ARL6IP6: variants seen among roughly 807,000 people sequenced by gnomAD.
The protein encoded by ARL6IP6 is ADP-ribosylation factor-like protein 6-interacting protein 6.
ARL6IP6 carries 22 observed loss-of-function variants against 21.5 expected under a neutral mutation model. That is an observed-to-expected ratio of 1.02 (90% CI 0.73 to 1.46). The LOEUF is 1.46. Among genes scored for constraint, ARL6IP6 ranks in the 40% most tolerant of loss-of-function variants. The pLI, the probability that ARL6IP6 is intolerant of heterozygous loss-of-function variation, is 0.00. For missense variants in ARL6IP6, 388 were observed against 299.8 expected (o/e 1.29, Z -2.17); for synonymous variants, 164 against 125.3 (o/e 1.31, Z -2.06).
intron 1 of ARL6IP6, chr2:152,719,833 G>T: frequency 9.6e-6 from 4 of 417,332 alleles, no homozygotes; most frequent in South Asian, 3.6e-5. Context: ...TGTTATTTTT[G>T]TACTTCATTA....
At chr2:152,732,576 C>T (rs1398761007) in intron 2 of ARL6IP6, 1 of 454,330 alleles carries the variant, frequency 2.2e-6, no homozygotes, top group Non-Finnish European at 4.5e-6. Context: ...CTGTAAGTTG[C>T]AAAGGTATGT....
chr2:152,744,027 A>G (rs189400389), intron 3 of ARL6IP6, among the ~76,000 whole-genome samples: 2 of 152,292 alleles, frequency 1.3e-5, no homozygotes, highest in South Asian at 2.1e-4. Flanking sequence ...ACAAGTGAAC[A>G]TGAGTCTTTT....
intron 2 of ARL6IP6, among the ~76,000 whole-genome samples, chr2:152,723,956 A>G (rs908662322): frequency 6.6e-6 from 1 of 151,254 alleles, no homozygotes; most frequent in South Asian, 2.1e-4. Flanking sequence ...ATTTGAACCT[A>G]TACTCTATTA....
intron 3 of ARL6IP6, among the ~76,000 whole-genome samples, chr2:152,751,044 A>AT (rs1236436398): frequency 6.6e-6 from 1 of 151,890 alleles, no homozygotes; most frequent in Non-Finnish European, 1.5e-5. Flanking sequence ...AAACCGTGGG[A>AT]TTTTTTTTCT....
intron 2 of ARL6IP6, among the ~76,000 whole-genome samples, chr2:152,721,115 T>C (rs1699770479): frequency 6.6e-6 from 1 of 152,166 alleles, no homozygotes; most frequent in Non-Finnish European, 1.5e-5. Context: ...ATTTTTTTAA[T>C]GGGTACTGGT....
rs780732662 is a variant in ARL6IP6, at chr2:152,761,904, A to G, written c.*2064A>G. ...CATTAAGCCAAACATGACTATATAT[A>G]CCTACAAGATATATATTAATATAGA... On this transcript the variant is annotated 3_prime_UTR_variant, in exon 4 of 4. Transcript: ENST00000326446. 2.2e-4 allele frequency among the ~76,000 whole-genome samples: 33 copies of G among 152,244 alleles called. No homozygotes were observed. Among genetic ancestry groups the G allele is most frequent in the Admixed American group, 5.9e-4 (9 of 15,288 alleles).
chr2:152,723,275 A>G (rs182626506), intron 2 of ARL6IP6, among the ~76,000 whole-genome samples: 134 of 152,366 alleles, frequency 8.8e-4, no homozygotes, highest in Admixed American at 1.6e-3. Context: ...GAAGTCATCC[A>G]TTACGTTTGG....
chr2:152,724,066 T>C (rs895049926), intron 2 of ARL6IP6, among the ~76,000 whole-genome samples: 4 of 149,488 alleles, frequency 2.7e-5, no homozygotes, highest in Admixed American at 2.0e-4. Context: ...TTTTGTAAAA[T>C]TGTCTTACCT....
intron 2 of ARL6IP6, among the ~76,000 whole-genome samples, chr2:152,727,932 G>A (rs906195420): frequency 3.9e-5 from 6 of 152,140 alleles, no homozygotes; most frequent in East Asian, 1.9e-4. Flanking sequence ...CATTAGTTAC[G>A]TAAGTAATTT....
intron 3 of ARL6IP6, among the ~76,000 whole-genome samples, chr2:152,751,813 T>C (rs1161522246): frequency 1.3e-5 from 2 of 152,234 alleles, no homozygotes; most frequent in African/African-American, 4.8e-5. Flanking sequence ...TCTTGACTAT[T>C]GTGAATGGTG....
chr2:152,740,659 A>G (rs936362284), intron 3 of ARL6IP6, among the ~76,000 whole-genome samples: 2 of 151,992 alleles, frequency 1.3e-5, no homozygotes, highest in African/African-American at 4.8e-5. Flanking sequence ...ATACAAAATA[A>G]TGCATATATA....
Position 152,761,458 on chromosome 2 carries a change from C to T in ARL6IP6, c.*1618C>T, listed in dbSNP as rs1350918507. On this transcript the variant is annotated 3_prime_UTR_variant, in exon 4 of 4. Transcript: ENST00000326446. Reference sequence around the variant, plus strand: ...TCTTCTCTCCACCACTCTGTATTCCCACGCACCACCAATGTGAGTAACTCC... The same window carrying T: ...TCTTCTCTCCACCACTCTGTATTCCTACGCACCACCAATGTGAGTAACTCC... Among the ~76,000 whole-genome samples the T allele has an allele frequency of 6.6e-6, 1 of 152,100 alleles. No homozygotes were observed. The highest frequency in any genetic ancestry group is 1.5e-5 in the Non-Finnish European group (1 of 68,028).
chr2:152,725,661 AG>A (rs1700010838), intron 2 of ARL6IP6, among the ~76,000 whole-genome samples: 3 of 151,856 alleles, frequency 2.0e-5, no homozygotes, highest in East Asian at 3.9e-4. Context: ...AAAAAAAAAA[AG>A]CAGGAATAAT....
At chr2:152,721,484 TCCA>T (rs1227628575) in intron 2 of ARL6IP6, among the ~76,000 whole-genome samples, 3 of 152,190 alleles carry the variant, frequency 2.0e-5, no homozygotes, top group Non-Finnish European at 2.9e-5. Context: ...TATATTTCTC[TCCA>T]CCAAAATGAT....
In ARL6IP6 at chr2:152,761,152, C is replaced by T. The variant is rs955088382; in HGVS notation, c.*1312C>T. The T allele has an allele frequency of 2.6e-5, 4 of 152,028 alleles. No homozygotes were observed. The highest frequency in any genetic ancestry group is 1.9e-4 in the East Asian group (1 of 5,190). The allele number at this position is 152,028 out of a possible 1,614,324, so 9.4% of individuals were successfully genotyped here. A position where few individuals can be genotyped will look rare whatever the true frequency, so the allele number is the denominator to read the frequency against. On this transcript the variant is annotated 3_prime_UTR_variant, in exon 4 of 4. Coordinates refer to ENST00000326446, the MANE Select transcript of ARL6IP6 (RefSeq NM_152522.7). ...TTAATTATCTACTGAATGTTGTTAC[C>T]GACTAAACAAGGTTTCTAAAAGTCT...
intron 1 of ARL6IP6, 75 bp from the exon 2 acceptor site, chr2:152,720,458 T>A (rs765197193): frequency 1.4e-6 from 2 of 1,421,950 alleles, no homozygotes; most frequent in East Asian, 4.6e-5. Context: ...AGCTCCACAA[T>A]GCCTTCACAG....
chr2:152,735,007 A>G lies in ARL6IP6; in HGVS notation c.468A>G (p.Leu156=). The change falls in exon 3 of 4, where the codon CTA becomes CTG. Residue 156 remains leucine, a synonymous_variant. Coordinates refer to ENST00000326446, the MANE Select transcript of ARL6IP6 (RefSeq NM_152522.7). The part of the protein sequence containing the change: ...VDTGLLGFWT[L]LIISLTAGFS... Reference sequence around the variant, plus strand: ...TTTCCTGTTAAGGATTCTGGACTCTACTTATAATATCCCTAACTGCTGGAT... The same window carrying G: ...TTTCCTGTTAAGGATTCTGGACTCTGCTTATAATATCCCTAACTGCTGGAT... 2 of 1,612,912 alleles carry G rather than the reference A, an allele frequency of 1.2e-6. No homozygotes were observed. The highest frequency in any genetic ancestry group is 1.7e-6 in the Non-Finnish European group (2 of 1,179,010).
intron 2 of ARL6IP6, among the ~76,000 whole-genome samples, chr2:152,720,956 G>C (rs750287863): frequency 3.9e-5 from 6 of 152,106 alleles, no homozygotes; most frequent in Non-Finnish European, 7.4e-5. Context: ...GCCAGGCATG[G>C]TTTCACTCAT....
rs577551984 is a variant in ARL6IP6, at chr2:152,722,674, G to A, written c.454+2088G>A. ...TCCCAACACTTTGGGAGGCCGAGGC[G>A]GGTGGATCACTTGAGGTCAGGAGTT... On this transcript the variant is annotated intron_variant, in intron 2 of 3. Transcript: ENST00000326446. Among the ~76,000 whole-genome samples the A allele has an allele frequency of 2.0e-5, 3 of 152,196 alleles. No homozygotes were observed. The South Asian group carries it at 6.2e-4, about 32-fold the overall frequency.
Sources: allele counts gnomAD v4.1 joint callset (sites outside exome capture counted in the v4.1 genomes callset), GRCh38; gene constraint gnomAD v4.1.1; transcripts MANE v1.5; gene names NCBI Gene and HGNC (gene_info 2026-07-23, HGNC 2026-07-21).